AHCTF1: variants seen among roughly 807,000 people sequenced by gnomAD.
The protein encoded by AHCTF1 is AT-hook containing transcription factor 1, also known as protein ELYS.
AHCTF1 carries 24 observed loss-of-function variants against 248.4 expected under a neutral mutation model. The ratio of observed to expected loss-of-function variants is 0.10; its 90% CI spans 0.07 to 0.14. AHCTF1 has a LOEUF of 0.14. Among genes scored for constraint, AHCTF1 ranks in the 10% least tolerant of loss-of-function variants. The pLI, the probability that AHCTF1 is intolerant of heterozygous loss-of-function variation, is 1.00. For synonymous variants in AHCTF1, 786 were observed against 929.8 expected (o/e 0.85, Z 2.81); for missense variants, 2,206 against 2,636.2 (o/e 0.84, Z 3.57).
At chr1:246,908,723 TAAAAAA>T (rs35110822) in intron 4 of AHCTF1, among the ~76,000 whole-genome samples, 2 of 106,846 alleles carry the variant, frequency 1.9e-5, no homozygotes, top group African/African-American at 3.5e-5. Flanking sequence ...CAGTCTCTAC[TAAAAAA>T]AAAAAAAAAA....
chr1:246,930,241 G>T (rs1015023417), intron 1 of AHCTF1, among the ~76,000 whole-genome samples: 1 of 152,166 alleles, frequency 6.6e-6, no homozygotes, highest in Admixed American at 6.6e-5. Flanking sequence ...GTTTGAGGCT[G>T]AAGCTCAAAC....
intron 1 of AHCTF1, among the ~76,000 whole-genome samples, chr1:246,921,282 G>T (rs1363802935): frequency 1.3e-5 from 2 of 152,084 alleles, no homozygotes; most frequent in African/African-American, 2.4e-5. Flanking sequence ...GAAAGCGGAA[G>T]AATATACGAG....
chr1:246,864,301 CAG>C, intron 26 of AHCTF1, 185 bp from the exon 27 acceptor site: 1 of 611,322 alleles, frequency 1.6e-6, no homozygotes. Flanking sequence ...CATCGCAAAA[CAG>C]AATTAAGAAC....
rs764410761 is a variant in AHCTF1, at chr1:246,913,403, T to C, written c.385A>G (p.Ile129Val). 2.7e-5 allele frequency: 43 copies of C among 1,607,994 alleles called. No individual in the cohort carries two copies. In the Admixed American group the frequency reaches 3.1e-4, roughly 11 times the overall value. The change falls in exon 4 of 36, where the codon ATT (isoleucine) becomes GTT (valine). Residue 129 changes from isoleucine (I) to valine (V), a missense_variant. Coordinates refer to ENST00000648844, the MANE Select transcript of AHCTF1 (RefSeq NM_001323342.2). ...CCTCCATGATTAATTATAGGTTCAA[T>C]AGCTGTTACCTAGAAAACATAATAC... Reference protein sequence around the residue: ...AVVLPGRVTAIEPIINHGGAS... With the variant: ...AVVLPGRVTAVEPIINHGGAS...
At chr1:246,873,095 G>C (rs1380401689) in intron 24 of AHCTF1, among the ~76,000 whole-genome samples, 3 of 152,100 alleles carry the variant, frequency 2.0e-5, no homozygotes, top group Non-Finnish European at 4.4e-5. Context: ...TACTAGGTTC[G>C]ACTTATTCCT....
At chr1:246,883,417 G>A (rs532414695) in intron 21 of AHCTF1, among the ~76,000 whole-genome samples, 1 of 152,290 alleles carries the variant, frequency 6.6e-6, no homozygotes, top group Admixed American at 6.5e-5. Context: ...TTGTTTTCTT[G>A]AATAAGTCCC....
chr1:246,875,071 C>T (rs2103101280), intron 24 of AHCTF1, among the ~76,000 whole-genome samples: 1 of 152,338 alleles, frequency 6.6e-6, no homozygotes. Context: ...AATGAACTTT[C>T]TTTACCACCA....
At chr1:246,884,828 G>A (rs114629300) in intron 21 of AHCTF1, among the ~76,000 whole-genome samples, 10 of 152,224 alleles carry the variant, frequency 6.6e-5, no homozygotes, top group Non-Finnish European at 1.2e-4. Flanking sequence ...ATGCAATAGG[G>A]CAAATGCAAT....
chr1:246,842,350 G>A (rs1659932721), intron 35 of AHCTF1, among the ~76,000 whole-genome samples: 1 of 152,124 alleles, frequency 6.6e-6, no homozygotes, highest in African/African-American at 2.4e-5. Context: ...GGGAGGCCAA[G>A]GCAGGCGGAT....
rs539938508 is a variant in AHCTF1, at chr1:246,884,147, T to G, written c.2660+1346A>C. 1.2e-3 allele frequency among the ~76,000 whole-genome samples: 182 copies of G among 152,326 alleles called. 1 individual carries two copies. The highest frequency in any genetic ancestry group is 4.2e-3 in the East Asian group (22 of 5,192). ...TTATTCAACAGTTACCACATTTAGC[T>G]TCTTTATTTTGTTCTTACAGTAAAT... On this transcript the variant is annotated intron_variant, in intron 21 of 35. Coordinates refer to ENST00000648844, the MANE Select transcript of AHCTF1 (RefSeq NM_001323342.2).
At chr1:246,917,406 G>C (rs1426294858) in intron 2 of AHCTF1, among the ~76,000 whole-genome samples, 2 of 152,134 alleles carry the variant, frequency 1.3e-5, no homozygotes, top group Non-Finnish European at 2.9e-5. Flanking sequence ...TTATAGCTAA[G>C]GGAGGCCACA....
At chr1:246,867,903 A>C (rs532198828) in intron 24 of AHCTF1, 92 bp from the exon 25 acceptor site, 7,411 of 124,666 alleles carry the variant, frequency 0.059, 88 homozygotes, top group East Asian at 0.12. Flanking sequence ...CCCCCCCCCC[A>C]CACACACACA....
chr1:246,903,838 A>G (rs1394233056), intron 7 of AHCTF1, 111 bp downstream of exon 7: 2 of 36,088 alleles, frequency 5.5e-5, no homozygotes, highest in South Asian at 8.1e-4. Context: ...ACTCTGTCTC[A>G]AAAAAAAAAA....
At chr1:246,845,343 GTA>G (rs1660175877) in intron 33 of AHCTF1, among the ~76,000 whole-genome samples, 1 of 150,464 alleles carries the variant, frequency 6.6e-6, no homozygotes, top group Admixed American at 6.6e-5. Flanking sequence ...CACAGTAGGT[GTA>G]TATATAAGCA....
At chr1:246,894,500 G>A (rs936191906) in intron 14 of AHCTF1, among the ~76,000 whole-genome samples, 159 bp downstream of exon 14, 30 of 152,058 alleles carry the variant, frequency 2.0e-4, no homozygotes, top group African/African-American at 6.8e-4. Context: ...CCAAGATCGC[G>A]CCACTGCACT....
intron 5 of AHCTF1, 86 bp downstream of exon 5, chr1:246,907,465 G>C: frequency 8.3e-7 from 1 of 1,203,038 alleles, no homozygotes; most frequent in Non-Finnish European, 1.2e-6. Flanking sequence ...TTCTCACTAT[G>C]CTAACTTTCA....
chr1:246,868,781 C>G (rs187886155), intron 24 of AHCTF1, among the ~76,000 whole-genome samples: 1 of 151,520 alleles, frequency 6.6e-6, no homozygotes, highest in African/African-American at 2.4e-5. Context: ...AAAAGTACCA[C>G]GTGATGAATG....
chr1:246,894,949 CA>C (rs1664467211), intron 13 of AHCTF1, among the ~76,000 whole-genome samples: 2 of 151,164 alleles, frequency 1.3e-5, no homozygotes, highest in South Asian at 4.2e-4. Flanking sequence ...GCCAAAAATG[CA>C]AAAACTGTCA....
rs779268815 is a variant in AHCTF1, at chr1:246,863,953, G to C, written c.3511C>G (p.His1171Asp). Residue 1171 changes from histidine (H) to aspartate (D), a missense_variant, in exon 27 of 36, where the codon CAT (histidine) becomes GAT (aspartate). By Grantham distance (81) the His-to-Asp change is moderately conservative. Coordinates refer to ENST00000648844, the MANE Select transcript of AHCTF1 (RefSeq NM_001323342.2). ...PQAISRASELHLLETPLVVKK... is the reference protein window; with the variant it reads ...PQAISRASELDLLETPLVVKK... The stretch of plus-strand genomic sequence containing the variant: ...ACTACAAGAGGAGTTTCAAGCAAAT[G>C]TAATTCTGAAGCCCTGGAGATGGCC... 2.2e-5 allele frequency: 35 copies of C among 1,613,900 alleles called. No individual in the cohort carries two copies. Among genetic ancestry groups the C allele is most frequent in the Non-Finnish European group, 1.9e-5 (23 of 1,179,930 alleles).
Sources: gnomAD v4.1 joint callset for allele counts (sites outside exome capture counted in the v4.1 genomes callset) on GRCh38, gnomAD v4.1.1 for gene constraint, MANE v1.5 for transcripts, NCBI Gene and HGNC (gene_info 2026-07-23, HGNC 2026-07-21) for gene names.